The following SRGAP1 variants were observed in gnomAD, a reference collection of about 807,000 sequenced individuals.
The protein encoded by SRGAP1 is SLIT-ROBO Rho GTPase-activating protein 1.
In SRGAP1, 43 loss-of-function variants were observed where a neutral mutation model predicts 121.9. The observed-to-expected ratio is 0.35, with a 90% CI of 0.28 to 0.46. The LOEUF (loss-of-function observed/expected upper bound fraction) is 0.46. Among genes scored for constraint, SRGAP1 ranks in the 20% least tolerant of loss-of-function variants. SRGAP1 has a pLI of 1.00. For missense variants in SRGAP1, 1,102 were observed against 1,350.9 expected, an observed-to-expected ratio of 0.82 and a Z score of 2.89; for synonymous variants, 447 against 485.4, an observed-to-expected ratio of 0.92 and a Z score of 1.04.
intron 1 of SRGAP1, among the ~76,000 whole-genome samples, chr12:63,955,190 G>A (rs1436304320): frequency 6.6e-6 from 1 of 152,008 alleles, no homozygotes; most frequent in South Asian, 2.1e-4. Flanking sequence ...GTGGTGATGT[G>A]CACCTGTGGT....
intron 1 of SRGAP1, among the ~76,000 whole-genome samples, chr12:63,894,215 T>C (rs1455576362): frequency 2.6e-5 from 4 of 152,208 alleles, no homozygotes; most frequent in African/African-American, 4.8e-5. Context: ...TTCTTTCTTT[T>C]TTTTTTAAAG....
At chr12:63,958,014 G>C (rs1386302826) in intron 1 of SRGAP1, among the ~76,000 whole-genome samples, 1 of 152,164 alleles carries the variant, frequency 6.6e-6, no homozygotes, top group Non-Finnish European at 1.5e-5. Flanking sequence ...AGGATGCAGA[G>C]CAGTCTTGAG....
intron 4 of SRGAP1, among the ~76,000 whole-genome samples, chr12:64,033,434 TG>T (rs2034826505): frequency 6.6e-6 from 1 of 152,150 alleles, no homozygotes; most frequent in Admixed American, 6.5e-5. Flanking sequence ...AAGAGTTTTG[TG>T]GCCAGGTGTG....
At chr12:63,896,939 C>T (rs1380677667) in intron 1 of SRGAP1, among the ~76,000 whole-genome samples, 3 of 152,290 alleles carry the variant, frequency 2.0e-5, no homozygotes, top group Middle Eastern at 3.4e-3. Context: ...CCCTGGGTTT[C>T]GTTCCCAAAA....
intron 19 of SRGAP1, 60 bp from the exon 20 acceptor site, chr12:64,127,530 C>CAAATTTTGTAAAATTTGTAAATCTAGT: frequency 2.6e-6 from 4 of 1,526,606 alleles, no homozygotes; most frequent in Non-Finnish European, 3.5e-6. Flanking sequence ...ACTCATCTAG[C>CAAATTTTGTAAAATTTGTAAATCTAGT]AAATTTTGTA....
At chr12:63,926,022 A>G (rs537718951) in intron 1 of SRGAP1, among the ~76,000 whole-genome samples, 2 of 152,348 alleles carry the variant, frequency 1.3e-5, no homozygotes, top group South Asian at 4.1e-4. Flanking sequence ...GAGGACCACA[A>G]CTTGCCCAGT....
intron 21 of SRGAP1, among the ~76,000 whole-genome samples, chr12:64,129,041 A>G (rs2036743723): frequency 6.6e-6 from 1 of 152,142 alleles, no homozygotes. Context: ...AGGCAAGAAG[A>G]TAGCTTGAGG....
intron 21 of SRGAP1, among the ~76,000 whole-genome samples, chr12:64,136,364 C>G (rs2136647710): frequency 6.6e-6 from 1 of 152,172 alleles, no homozygotes; most frequent in South Asian, 2.1e-4. Context: ...AAGACCCTGT[C>G]TCCAAATATA....
chr12:64,032,550 C>G, intron 4 of SRGAP1: 1 of 1,108,222 alleles, frequency 9.0e-7, no homozygotes, highest in Non-Finnish European at 1.4e-6. Flanking sequence ...AAGGCAGTGC[C>G]TTGACCAGAG....
rs532995079 is a variant in SRGAP1, at chr12:64,130,811, A to G, written c.2880+2611A>G. Among the ~76,000 whole-genome samples, 11 of 152,352 alleles carry G rather than the reference A, an allele frequency of 7.2e-5. No individual in the cohort carries two copies. The South Asian group carries it at 2.3e-3, about 32-fold the overall frequency. On this transcript the variant is annotated intron_variant, in intron 21 of 21. Coordinates refer to ENST00000355086, the MANE Select transcript of SRGAP1 (RefSeq NM_020762.4). ...ATGAGTCACAGATGGTAGTCTTGGC[A>G]GAAGCATTGTGTGCAGGATAGGCAA...
At chr12:64,117,841 A>G (rs1163227476) in intron 18 of SRGAP1, among the ~76,000 whole-genome samples, 2 of 152,206 alleles carry the variant, frequency 1.3e-5, no homozygotes, top group African/African-American at 4.8e-5. Context: ...CATATAAGTG[A>G]ACTTACATAG....
chr12:64,000,242 GTGT>G (rs2033838056), intron 3 of SRGAP1, among the ~76,000 whole-genome samples: 2 of 132,836 alleles, frequency 1.5e-5, no homozygotes, highest in African/African-American at 3.2e-5. Flanking sequence ...AGGTAGGGGT[GTGT>G]GTGTGTGTGT....
At chr12:64,130,847 G>A (rs186532649) in intron 21 of SRGAP1, among the ~76,000 whole-genome samples, 57 of 152,332 alleles carry the variant, frequency 3.7e-4, no homozygotes, top group African/African-American at 1.2e-3. Flanking sequence ...ACCCATATCC[G>A]GAGTAACTGT....
rs2037026147 is a variant in SRGAP1, at chr12:64,144,871, G to A, written c.*2199G>A. Reference sequence around the variant, plus strand: ...TTTTTTTTTTTTTTTTTGAGTTGGAGTCTTGCTCTGTCGCCCAGGCCAGAG... The same window carrying A: ...TTTTTTTTTTTTTTTTTGAGTTGGAATCTTGCTCTGTCGCCCAGGCCAGAG... On this transcript the variant is annotated 3_prime_UTR_variant, in exon 22 of 22. Coordinates refer to ENST00000355086, the MANE Select transcript of SRGAP1 (RefSeq NM_020762.4). The A allele has an allele frequency of 2.4e-5, 2 of 83,502 alleles. No individual in the cohort carries two copies. The highest frequency in any genetic ancestry group is 4.5e-5 in the Non-Finnish European group (2 of 44,010). The allele number at this position is 83,502 out of a possible 1,614,324, so 5.2% of individuals were successfully genotyped here.
chr12:63,989,261 G>A (rs2033493240), intron 2 of SRGAP1, among the ~76,000 whole-genome samples: 1 of 152,180 alleles, frequency 6.6e-6, no homozygotes, highest in African/African-American at 2.4e-5. Flanking sequence ...ACAAGGAGCA[G>A]TTATGAGTCT....
At chr12:63,912,623 A>G (rs562632589) in intron 1 of SRGAP1, among the ~76,000 whole-genome samples, 1 of 76,216 alleles carries the variant, frequency 1.3e-5, no homozygotes, top group Admixed American at 1.3e-4. Context: ...TAAAAGAAAG[A>G]AAAAAAAAAT....
intron 6 of SRGAP1, among the ~76,000 whole-genome samples, chr12:64,051,958 A>T (rs935685141): frequency 6.6e-6 from 1 of 152,228 alleles, no homozygotes; most frequent in Non-Finnish European, 1.5e-5. Context: ...CCATCACTGA[A>T]CATGACTCCT....
intron 18 of SRGAP1, among the ~76,000 whole-genome samples, chr12:64,124,690 GTCC>G (rs1272458747): frequency 2.6e-5 from 4 of 152,248 alleles, no homozygotes; most frequent in Non-Finnish European, 4.4e-5. Context: ...TGCTGAGTCT[GTCC>G]TCCTGTTTGC....
At chr12:63,917,459 G>A (rs981809253) in intron 1 of SRGAP1, among the ~76,000 whole-genome samples, 5 of 152,120 alleles carry the variant, frequency 3.3e-5, no homozygotes, top group African/African-American at 1.2e-4. Context: ...TTTTTATTGT[G>A]AGTGTGTTGG....
Sources: allele counts gnomAD v4.1 joint callset (sites outside exome capture counted in the v4.1 genomes callset), GRCh38; gene constraint gnomAD v4.1.1; transcripts MANE v1.5; gene names NCBI Gene and HGNC (gene_info 2026-07-23, HGNC 2026-07-21).